Variants in SHC3 observed in about 807,000 individuals in gnomAD.
The protein encoded by SHC3 is SHC-transforming protein 3.
SHC3 carries 15 observed loss-of-function variants against 60.4 expected under a neutral mutation model. That is an observed-to-expected ratio of 0.25 (90% CI 0.17 to 0.38). The LOEUF (loss-of-function observed/expected upper bound fraction) is 0.38. SHC3 is among the 10% of genes least tolerant of loss of function. The probability of loss-of-function intolerance (pLI) is 1.00; values close to 1 mark genes in which losing one functional copy is unlikely to be tolerated. For missense variants in SHC3, 677 were observed against 786.1 expected (o/e 0.86, Z 1.66); for synonymous variants, 294 against 325.9 (o/e 0.90, Z 1.05).
intron 6 of SHC3, among the ~76,000 whole-genome samples, chr9:89,062,844 G>C (rs1198635578): frequency 1.3e-5 from 2 of 152,310 alleles, no homozygotes; most frequent in African/African-American, 4.8e-5. Context: ...GCATAGGGGA[G>C]GAAGAAAGAA....
chr9:89,126,715 T>C (rs540317095), intron 1 of SHC3, among the ~76,000 whole-genome samples: 1 of 152,190 alleles, frequency 6.6e-6, no homozygotes, highest in African/African-American at 2.4e-5. Context: ...ACCAGCTGAA[T>C]GAATGATAAA....
Position 89,075,137 on chromosome 9 carries a change from A to C in SHC3, c.701T>G (p.Leu234Arg). The change falls in exon 4 of 12, where the codon CTG (leucine) becomes CGG (arginine). Residue 234 changes from leucine (L) to arginine (R), a missense_variant. By Grantham distance (102) the Leu-to-Arg change is moderately radical. Coordinates refer to ENST00000375835, the MANE Select transcript of SHC3 (RefSeq NM_016848.6). ...SISLTISTASLNLRTPDSKQI... is the reference protein window; with the variant it reads ...SISLTISTASRNLRTPDSKQI... ...TTTGGAGTCCGGAGTTCGCAGGTTC[A>C]GACTGGCCGTGGAGATGGTCAGAGA... is the stretch of plus-strand genomic sequence containing the variant. 1 of 1,614,146 alleles carries C rather than the reference A, an allele frequency of 6.2e-7. No homozygotes were observed. Among genetic ancestry groups the C allele is most frequent in the Non-Finnish European group, 8.5e-7 (1 of 1,179,988 alleles).
At chr9:89,128,611 C>T (rs908085468) in intron 1 of SHC3, among the ~76,000 whole-genome samples, 1 of 152,196 alleles carries the variant, frequency 6.6e-6, no homozygotes, top group East Asian at 1.9e-4. Context: ...GTTCTTCAGC[C>T]TCCGCTGGTG....
At chr9:89,043,692 C>T (rs923626984) in intron 9 of SHC3, among the ~76,000 whole-genome samples, 11 of 151,764 alleles carry the variant, frequency 7.2e-5, no homozygotes, top group Non-Finnish European at 1.6e-4. Context: ...CATTCTGTCA[C>T]CCAGGCTGGA....
chr9:89,167,106 G>A (rs1178514045), intron 1 of SHC3, among the ~76,000 whole-genome samples: 1 of 152,122 alleles, frequency 6.6e-6, no homozygotes. Context: ...CCCCTGCCCT[G>A]GGGGTCCAGC....
chr9:89,049,608 C>T (rs1824830159), intron 7 of SHC3, among the ~76,000 whole-genome samples: 2 of 152,260 alleles, frequency 1.3e-5, no homozygotes, highest in South Asian at 2.1e-4. Context: ...AAGTGTTAAC[C>T]TTTTGATCTA....
intron 1 of SHC3, among the ~76,000 whole-genome samples, chr9:89,114,808 C>A (rs1248467705): frequency 3.3e-5 from 5 of 152,066 alleles, no homozygotes; most frequent in Admixed American, 2.6e-4. Context: ...TGATTTGCAA[C>A]CTCATCCACA....
At chr9:89,131,100 C>T (rs912949414) in intron 1 of SHC3, among the ~76,000 whole-genome samples, 1 of 152,134 alleles carries the variant, frequency 6.6e-6, no homozygotes, top group Non-Finnish European at 1.5e-5. Flanking sequence ...CACAGAAATA[C>T]AAACTACCAT....
At chr9:89,108,241 G>A (rs1287613966) in intron 2 of SHC3, among the ~76,000 whole-genome samples, 8 of 152,094 alleles carry the variant, frequency 5.3e-5, no homozygotes, top group South Asian at 4.1e-4. Context: ...GGCCAGACAC[G>A]GTGGCTCATG....
intron 2 of SHC3, among the ~76,000 whole-genome samples, chr9:89,092,080 T>C (rs1390580083): frequency 6.6e-6 from 1 of 152,114 alleles, no homozygotes; most frequent in Non-Finnish European, 1.5e-5. Context: ...ATGATAAAAC[T>C]GGTTGATAGC....
At chr9:89,107,144 G>T (rs915413120) in intron 2 of SHC3, among the ~76,000 whole-genome samples, 1 of 152,196 alleles carries the variant, frequency 6.6e-6, no homozygotes, top group Admixed American at 6.5e-5. Context: ...CTGATGGGCT[G>T]GCTGGAGAAC....
intron 5 of SHC3, among the ~76,000 whole-genome samples, chr9:89,070,617 C>T (rs530032113): frequency 1.4e-3 from 212 of 152,290 alleles, no homozygotes; most frequent in Middle Eastern, 0.014. Context: ...CCTTGTTATT[C>T]CACCTTCTTC....
chr9:89,068,326 T>C (rs978946017), intron 5 of SHC3, among the ~76,000 whole-genome samples: 1 of 152,226 alleles, frequency 6.6e-6, no homozygotes, highest in African/African-American at 2.4e-5. Flanking sequence ...TTTTCTAGTC[T>C]ATCTTGTTTG....
intron 10 of SHC3, 66 bp from the exon 11 acceptor site, chr9:89,038,354 A>T (rs1587688428): frequency 2.0e-6 from 3 of 1,468,338 alleles, no homozygotes; most frequent in African/African-American, 2.8e-5. Flanking sequence ...AAAAAAAAAA[A>T]AAAAAAATAC....
At position 89,086,369 on chromosome 9, in the gene SHC3, A is replaced by G. The variant is rs556569682; in HGVS notation, c.546-8466T>C. ...ACCACCCCCAGCTTGGGTTCAATTA[A>G]TTTGCGAGAACGGCTCACAGAACTC... On this transcript the variant is annotated intron_variant, in intron 2 of 11. Transcript: ENST00000375835. 2.6e-5 allele frequency among the ~76,000 whole-genome samples: 4 copies of G among 152,322 alleles called. No homozygotes were observed. In the East Asian group the frequency reaches 5.8e-4, roughly 22 times the overall value.
In SHC3 at chr9:89,045,733, C is replaced by T. The variant is rs1158496962; in HGVS notation, c.1201+13G>A. 1 of 1,613,450 alleles carries T rather than the reference C, an allele frequency of 6.2e-7. No individual in the cohort carries two copies. Among genetic ancestry groups the T allele is most frequent in the South Asian group, 1.1e-5 (1 of 91,072 alleles). The stretch of plus-strand genomic sequence containing the variant: ...TCTTTTGTGTTTCTCACCCATCTCA[C>T]CTTGCCTCTCACCTTGCCTTAAAGG... On this transcript the variant is annotated intron_variant, in intron 9 of 11. Coordinates refer to ENST00000375835, the MANE Select transcript of SHC3 (RefSeq NM_016848.6).
At chr9:89,159,180 T>A (rs561983787) in intron 1 of SHC3, among the ~76,000 whole-genome samples, 1 of 152,130 alleles carries the variant, frequency 6.6e-6, no homozygotes, top group East Asian at 1.9e-4. Flanking sequence ...AGACAAAGAT[T>A]AAATTATCTC....
intron 2 of SHC3, among the ~76,000 whole-genome samples, chr9:89,111,028 T>C (rs1825940102): frequency 2.0e-5 from 3 of 152,190 alleles, no homozygotes; most frequent in Non-Finnish European, 4.4e-5. Context: ...ACTTGTTCTG[T>C]GCCCCTCAAA....
chr9:89,082,220 G>A (rs1319864213), intron 2 of SHC3, among the ~76,000 whole-genome samples: 1 of 152,142 alleles, frequency 6.6e-6, no homozygotes, highest in Non-Finnish European at 1.5e-5. Context: ...CCAGGAGCAA[G>A]GAGGTACCCA....
Sources: gnomAD v4.1 joint callset for allele counts (sites outside exome capture counted in the v4.1 genomes callset) on GRCh38, gnomAD v4.1.1 for gene constraint, MANE v1.5 for transcripts, NCBI Gene and HGNC (gene_info 2026-07-23, HGNC 2026-07-21) for gene names.